The following IGSF21 variants were observed in gnomAD, a reference collection of about 807,000 sequenced individuals.
IGSF21 encodes immunoglobulin superfamily member 21.
Under a neutral mutation model 46.8 loss-of-function variants are expected in IGSF21, and 28 were observed. That is an observed-to-expected ratio of 0.60 (90% CI 0.44 to 0.82). The LOEUF (loss-of-function observed/expected upper bound fraction) is 0.82, where lower values mean the gene tolerates loss of function less well. IGSF21 is among the 40% of genes least tolerant of loss of function. The pLI is 0.00. For missense variants in IGSF21, 624 were observed against 665.5 expected (o/e 0.94, Z 0.69); for synonymous variants, 284 against 273.6 (o/e 1.04, Z -0.38).
At chr1:18,223,745 C>T (rs1301236909) in intron 1 of IGSF21, among the ~76,000 whole-genome samples, 1 of 152,196 alleles carries the variant, frequency 6.6e-6, no homozygotes, top group Admixed American at 6.6e-5. Context: ...TCGTACAAGG[C>T]ACTGGTTGCT....
chr1:18,346,888 T>C (rs2085899107), intron 4 of IGSF21, among the ~76,000 whole-genome samples: 1 of 152,042 alleles, frequency 6.6e-6, no homozygotes, highest in Non-Finnish European at 1.5e-5. Flanking sequence ...GATGTGAGCA[T>C]GTTCAGAGAC....
At position 18,376,349 on chromosome 1, in the gene IGSF21, G is replaced by A; in HGVS notation, c.1055G>A (p.Arg352Lys). The A allele has an allele frequency of 1.3e-5, 21 of 1,614,012 alleles. No homozygotes were observed. Among genetic ancestry groups the A allele is most frequent in the Non-Finnish European group, 1.8e-5 (21 of 1,179,966 alleles). ...CCCAAAATTGTGATGACGCCCAGCA[G>A]AGCCCGGGTAGGGGACACAGTGAGG... ...KGPKIVMTPS[R>K]ARVGDTVRIL... The change falls in exon 7 of 10, where the codon AGA becomes AAA. Residue 352 changes from arginine to lysine, a missense_variant. Arg to Lys is a conservative substitution (Grantham distance 26). Coordinates refer to ENST00000251296, the MANE Select transcript of IGSF21 (RefSeq NM_032880.5).
intron 2 of IGSF21, among the ~76,000 whole-genome samples, chr1:18,230,283 G>A (rs1569581226): frequency 2.0e-5 from 3 of 152,120 alleles, no homozygotes; most frequent in South Asian, 2.1e-4. Flanking sequence ...GCCATCCTCC[G>A]GTAGGGAGAC....
chr1:18,376,680 C>T, intron 7 of IGSF21, 120 bp from the exon 8 acceptor site: 1 of 930,972 alleles, frequency 1.1e-6, no homozygotes, highest in Non-Finnish European at 1.6e-6. Flanking sequence ...TCAGGGCAGC[C>T]ACTCCTAACC....
intron 3 of IGSF21, among the ~76,000 whole-genome samples, chr1:18,326,621 G>C (rs568265533): frequency 2.4e-4 from 36 of 152,332 alleles, no homozygotes; most frequent in Non-Finnish European, 4.4e-4. Context: ...ATTACAAAAT[G>C]CTTTTTAAAT....
At chr1:18,358,344 G>A (rs2124626602) in intron 4 of IGSF21, among the ~76,000 whole-genome samples, 1 of 152,296 alleles carries the variant, frequency 6.6e-6, no homozygotes, top group Non-Finnish European at 1.5e-5. Flanking sequence ...ATTGATTCTA[G>A]TAATATATTT....
At chr1:18,230,004 G>A (rs992603038) in intron 2 of IGSF21, among the ~76,000 whole-genome samples, 16 of 152,182 alleles carry the variant, frequency 1.1e-4, no homozygotes, top group African/African-American at 3.9e-4. Context: ...TGGGAAAATA[G>A]CAGTGGGCAC....
intron 1 of IGSF21, among the ~76,000 whole-genome samples, chr1:18,216,232 C>T (rs903401272): frequency 2.0e-5 from 3 of 151,928 alleles, no homozygotes; most frequent in Non-Finnish European, 4.4e-5. Context: ...GGAAACAGCA[C>T]AGGGAAAAAT....
At chr1:18,183,903 T>C (rs949752926) in intron 1 of IGSF21, among the ~76,000 whole-genome samples, 1 of 152,116 alleles carries the variant, frequency 6.6e-6, no homozygotes, top group African/African-American at 2.4e-5. Context: ...GAACATCCCA[T>C]TGGCTAAAGC....
intron 2 of IGSF21, among the ~76,000 whole-genome samples, chr1:18,243,170 G>A (rs952834685): frequency 3.9e-5 from 6 of 152,178 alleles, no homozygotes; most frequent in African/African-American, 1.2e-4. Flanking sequence ...ATCATCATTC[G>A]ATTTTAGGAA....
chr1:18,229,008 T>C (rs2084597689), intron 2 of IGSF21, among the ~76,000 whole-genome samples: 1 of 152,222 alleles, frequency 6.6e-6, no homozygotes, highest in Admixed American at 6.5e-5. Context: ...TTCTTCTTTT[T>C]ATTTTTTTTC....
intron 1 of IGSF21, among the ~76,000 whole-genome samples, chr1:18,145,445 C>A (rs1333050528): frequency 6.6e-6 from 1 of 152,076 alleles, no homozygotes; most frequent in Non-Finnish European, 1.5e-5. Flanking sequence ...TCACTCTCTC[C>A]CCAGTGCCCG....
intron 4 of IGSF21, among the ~76,000 whole-genome samples, chr1:18,341,561 C>T (rs1569845551): frequency 6.6e-6 from 1 of 152,182 alleles, no homozygotes; most frequent in East Asian, 1.9e-4. Context: ...AGGCGCTGTG[C>T]TAAACTCTTC....
At chr1:18,194,358 A>G (rs997082750) in intron 1 of IGSF21, among the ~76,000 whole-genome samples, 9 of 152,204 alleles carry the variant, frequency 5.9e-5, no homozygotes, top group African/African-American at 2.2e-4. Context: ...GCTATGACAA[A>G]TGATCATAGA....
At chr1:18,363,011 G>C (rs4920486) in intron 5 of IGSF21, among the ~76,000 whole-genome samples, 108,947 of 151,976 alleles carry the variant, frequency 0.72, 39,176 homozygotes, top group East Asian at 0.75. Flanking sequence ...TTAGTAGCAC[G>C]AGGACCCTTT....
rs1286384977 is a variant in IGSF21, at chr1:18,337,261, G to A, written c.424+2251G>A. ...CTGATGGTCTCTGCTGAGCAAGGGA[G>A]TGTGCTCCTGTGGGCCTCAATTTCC... On this transcript the variant is annotated intron_variant, in intron 4 of 9. Transcript: ENST00000251296. This position sits in a 1 kb window ranked among gnomAD's most constrained non-coding sequence, Gnocchi z 5.7. 6.6e-6 allele frequency among the ~76,000 whole-genome samples: 1 copy of A among 152,124 alleles called. No homozygotes were observed. The highest frequency in any genetic ancestry group is 1.5e-5 in the Non-Finnish European group (1 of 68,022).
chr1:18,225,085 T>TCTCACACACACACACA, intron 1 of IGSF21, among the ~76,000 whole-genome samples: 3 of 51,612 alleles, frequency 5.8e-5, no homozygotes, highest in African/African-American at 2.1e-4. Context: ...TCTCTCTCTC[T>TCTCACACACACACACA]CACACACACA....
intron 1 of IGSF21, among the ~76,000 whole-genome samples, chr1:18,199,742 C>T (rs1241841972): frequency 2.0e-5 from 3 of 152,216 alleles, no homozygotes; most frequent in East Asian, 3.9e-4. Flanking sequence ...TTTATTTAAT[C>T]GCTTCCATTG....
intron 4 of IGSF21, among the ~76,000 whole-genome samples, chr1:18,336,531 A>G (rs2085767866): frequency 6.6e-6 from 1 of 152,226 alleles, no homozygotes; most frequent in Admixed American, 6.5e-5. Flanking sequence ...GTGTTGGGCC[A>G]GGACCCAGGC....
Sources: gnomAD v4.1 joint callset for allele counts (sites outside exome capture counted in the v4.1 genomes callset) on GRCh38, gnomAD v4.1.1 for gene constraint, Gnocchi (gnomAD v3.1) non-coding constraint, MANE v1.5 for transcripts, NCBI Gene and HGNC (gene_info 2026-07-23, HGNC 2026-07-21) for gene names.